The following LMLN variants were observed in gnomAD, a reference collection of about 807,000 sequenced individuals.
LMLN encodes the protein leishmanolysin-like peptidase.
LMLN carries 70 observed loss-of-function variants against 92.3 expected under a neutral mutation model. The observed-to-expected ratio is 0.76, with a 90% CI of 0.63 to 0.92. LMLN has a LOEUF of 0.92. Among genes scored for constraint, LMLN ranks in the 40% least tolerant of loss-of-function variants. LMLN has a pLI of 0.00. For synonymous variants in LMLN, 308 were observed against 296.2 expected (o/e 1.04, Z -0.41); for missense variants, 691 against 814.6 (o/e 0.85, Z 1.85).
chr3:197,981,090 G>A (rs1400756762), intron 6 of LMLN, among the ~76,000 whole-genome samples: 1 of 147,576 alleles, frequency 6.8e-6, no homozygotes, highest in East Asian at 2.0e-4. Flanking sequence ...GCACCAGAGT[G>A]AAACCTTGTC....
At chr3:198,023,489 C>G (rs766144749) in intron 13 of LMLN, among the ~76,000 whole-genome samples, 7 of 152,172 alleles carry the variant, frequency 4.6e-5, no homozygotes, top group Non-Finnish European at 8.8e-5. Context: ...ACATCCAGCC[C>G]TGAACCCCAT....
At chr3:198,006,143 A>G (rs1029884492) in intron 11 of LMLN, among the ~76,000 whole-genome samples, 2 of 152,106 alleles carry the variant, frequency 1.3e-5, no homozygotes, top group African/African-American at 4.8e-5. Context: ...CAGCAACAAC[A>G]AAAATGTTAC....
chr3:197,969,202 C>T (rs999344477), intron 1 of LMLN, among the ~76,000 whole-genome samples: 2 of 152,070 alleles, frequency 1.3e-5, no homozygotes, highest in African/African-American at 4.8e-5. Context: ...CCACCTTAGC[C>T]TCCCAAAGTG....
intron 11 of LMLN, among the ~76,000 whole-genome samples, chr3:198,001,696 C>T (rs897577949): frequency 4.6e-5 from 7 of 152,086 alleles, no homozygotes; most frequent in African/African-American, 1.4e-4. Flanking sequence ...GAGTTTTGTT[C>T]GTTGACAGGA....
intron 8 of LMLN, among the ~76,000 whole-genome samples, chr3:197,989,238 C>G (rs1721799586): frequency 1.3e-5 from 2 of 152,126 alleles, no homozygotes; most frequent in Admixed American, 6.5e-5. Context: ...GGAGATTCAT[C>G]AATTTTTCAT....
exon 14 of LMLN, chr3:198,024,667 A>C: frequency 6.4e-7 from 1 of 1,567,228 alleles, no homozygotes; most frequent in Non-Finnish European, 8.6e-7. Context: ...GAAATTTTTA[A>C]GAACTATGGC....
intron 1 of LMLN, among the ~76,000 whole-genome samples, chr3:197,968,300 A>C (rs1721118714): frequency 6.6e-6 from 1 of 152,054 alleles, no homozygotes; most frequent in East Asian, 1.9e-4. Context: ...CCCCGTCTGT[A>C]CTAAAAATAA....
intron 8 of LMLN, among the ~76,000 whole-genome samples, chr3:197,988,561 A>G (rs1304354575): frequency 2.1e-4 from 29 of 135,190 alleles, no homozygotes; most frequent in Non-Finnish European, 1.4e-4. Flanking sequence ...AATCATGATC[A>G]CGGCTTACTG....
intron 1 of LMLN, among the ~76,000 whole-genome samples, chr3:197,963,141 A>ATAC (rs1479833475): frequency 9.2e-5 from 14 of 151,770 alleles, no homozygotes; most frequent in Non-Finnish European, 1.3e-4. Flanking sequence ...GGTGATGCAT[A>ATAC]ATTTTTCTCA....
chr3:197,984,222 C>T (rs186029833), intron 7 of LMLN, among the ~76,000 whole-genome samples, 174 bp downstream of exon 7: 2 of 151,804 alleles, frequency 1.3e-5, no homozygotes, highest in African/African-American at 2.4e-5. Context: ...CAAAAATTAG[C>T]GGGGCATGGT....
Position 197,983,986 on chromosome 3 carries a change from ACC to A in LMLN, c.774_775del (p.Gln259AlafsTer14). 1 of 1,613,852 alleles carries A rather than the reference ACC, an allele frequency of 6.2e-7. No individual in the cohort carries two copies. Among genetic ancestry groups the A allele is most frequent in the Non-Finnish European group, 8.5e-7 (1 of 1,179,794 alleles). On this transcript the variant is annotated frameshift_variant, in exon 7 of 16. Coordinates refer to ENST00000330198, the Ensembl canonical transcript of LMLN. LOFTEE classifies it high-confidence loss of function. Reference sequence around the variant, plus strand: ...TAACCTGTGTCCAAATATGATCTCTACCCAGCCTCAGGAGTTTGTTGGGATGC... The same window carrying A: ...TAACCTGTGTCCAAATATGATCTCTACAGCCTCAGGAGTTTGTTGGGATGC...
chr3:198,026,927 A>G (rs1192051303), intron 14 of LMLN, among the ~76,000 whole-genome samples: 1 of 152,134 alleles, frequency 6.6e-6, no homozygotes, highest in Non-Finnish European at 1.5e-5. Context: ...CCAGCTCATC[A>G]GGCCCTCTTA....
chr3:198,038,718 A>G (rs1451922181), exon 16 of LMLN: 1 of 1,403,968 alleles, frequency 7.1e-7, no homozygotes, highest in Non-Finnish European at 1.0e-6. Context: ...GTTCTTGTGA[A>G]CAAAGCACAA....
At chr3:198,017,017 G>A (rs1463313858) in intron 11 of LMLN, among the ~76,000 whole-genome samples, 2 of 152,168 alleles carry the variant, frequency 1.3e-5, no homozygotes, top group Non-Finnish European at 2.9e-5. Flanking sequence ...ACTTGCTTGG[G>A]AGGCTGAGGT....
At chr3:198,011,538 G>C (rs1340893878) in intron 11 of LMLN, among the ~76,000 whole-genome samples, 6 of 150,938 alleles carry the variant, frequency 4.0e-5, no homozygotes, top group Non-Finnish European at 8.9e-5. Flanking sequence ...GGACATTTGG[G>C]TTGGTTCCAA....
At chr3:198,038,136 C>T (rs533707687) in intron 15 of LMLN, among the ~76,000 whole-genome samples, 3 of 152,046 alleles carry the variant, frequency 2.0e-5, no homozygotes, top group East Asian at 1.9e-4. Context: ...CCTCACAGTC[C>T]GTCTGCCTGT....
chr3:198,029,101 C>T (rs1043040768), intron 14 of LMLN, among the ~76,000 whole-genome samples: 1 of 152,206 alleles, frequency 6.6e-6, no homozygotes, highest in African/African-American at 2.4e-5. Context: ...TGGTCCCAGT[C>T]TCTCTAATTA....
intron 14 of LMLN, among the ~76,000 whole-genome samples, chr3:198,027,304 C>T (rs1400053153): frequency 6.6e-6 from 1 of 151,418 alleles, no homozygotes; most frequent in Non-Finnish European, 1.5e-5. Flanking sequence ...CGGCTTTAGA[C>T]GTAATTGCTT....
At chr3:197,999,949 G>A (rs1722126297) in intron 11 of LMLN, among the ~76,000 whole-genome samples, 1 of 152,128 alleles carries the variant, frequency 6.6e-6, no homozygotes, top group Non-Finnish European at 1.5e-5. Flanking sequence ...AAATTATAAA[G>A]GAAAGACTAA....
Sources: gnomAD v4.1 joint callset for allele counts (sites outside exome capture counted in the v4.1 genomes callset) on GRCh38, gnomAD v4.1.1 for gene constraint, MANE v1.5 for transcripts, NCBI Gene and HGNC (gene_info 2026-07-23, HGNC 2026-07-21) for gene names.